Variants in MB21D2 observed in about 807,000 individuals in gnomAD.
MB21D2 encodes Mab-21 domain containing 2.
MB21D2 carries 9 observed loss-of-function variants against 33.3 expected under a neutral mutation model. The ratio of observed to expected loss-of-function variants is 0.27; its 90% CI spans 0.16 to 0.47. The LOEUF (loss-of-function observed/expected upper bound fraction) is 0.47. Ranked by LOEUF, MB21D2 falls within the 20% of genes least tolerant of loss-of-function variation. MB21D2 has a pLI of 0.99. For missense variants in MB21D2, 540 were observed against 624.6 expected (o/e 0.86, Z 1.44); for synonymous variants, 241 against 236.3 (o/e 1.02, Z -0.18).
chr3:192,886,881 C>T (rs1713743948), intron 1 of MB21D2, among the ~76,000 whole-genome samples: 1 of 152,024 alleles, frequency 6.6e-6, no homozygotes, highest in Non-Finnish European at 1.5e-5. Flanking sequence ...ATTCCATTCT[C>T]ATCCATAAGT....
rs1013458602 is a variant in MB21D2 at position 192,880,635 on chromosome 3, C to A, written c.211+36995G>T. On this transcript the variant is annotated intron_variant, in intron 1 of 1. Transcript: ENST00000392452. ...GAGCAGCTGTCGGAGGGGACGGACT[C>A]TCAAGGAGCTGACAGCTAGCAAGAG... Among the ~76,000 whole-genome samples the A allele has an allele frequency of 2.2e-4, 34 of 152,052 alleles. 1 individual carries two copies. Among genetic ancestry groups the A allele is most frequent in the African/African-American group, 7.7e-4 (32 of 41,316 alleles).
At chr3:192,833,726 T>C (rs1267871586) in intron 1 of MB21D2, among the ~76,000 whole-genome samples, 1 of 152,250 alleles carries the variant, frequency 6.6e-6, no homozygotes, top group Non-Finnish European at 1.5e-5. Flanking sequence ...CAAAAGGACA[T>C]GACTAAGTTG....
At chr3:192,881,308 C>T (rs111278527) in intron 1 of MB21D2, among the ~76,000 whole-genome samples, 4 of 152,186 alleles carry the variant, frequency 2.6e-5, no homozygotes, top group African/African-American at 9.6e-5. Flanking sequence ...TTGGACCCAA[C>T]AGTGAATCAC....
chr3:192,899,052 T>TC (rs755881600), intron 1 of MB21D2, among the ~76,000 whole-genome samples: 7 of 152,224 alleles, frequency 4.6e-5, no homozygotes, highest in Non-Finnish European at 8.8e-5. Context: ...ACTGAGGCCC[T>TC]CTAAACATGT....
chr3:192,856,426 G>A (rs1712917447), intron 1 of MB21D2, among the ~76,000 whole-genome samples: 2 of 152,176 alleles, frequency 1.3e-5, no homozygotes, highest in Non-Finnish European at 1.5e-5. Context: ...GAGAAATAAG[G>A]AAACGGGAAA....
intron 1 of MB21D2, among the ~76,000 whole-genome samples, chr3:192,862,357 T>C (rs1226917648): frequency 2.6e-5 from 4 of 152,240 alleles, no homozygotes; most frequent in Non-Finnish European, 4.4e-5. Flanking sequence ...AGTAGGATTG[T>C]ATTCCATGTT....
intron 1 of MB21D2, among the ~76,000 whole-genome samples, chr3:192,809,681 T>G (rs1325780649): frequency 6.6e-6 from 1 of 152,238 alleles, no homozygotes; most frequent in South Asian, 2.1e-4. Flanking sequence ...AAAAACTGAC[T>G]TTAGTCATCT....
At chr3:192,884,621 C>T (rs1257170341) in intron 1 of MB21D2, among the ~76,000 whole-genome samples, 1 of 152,006 alleles carries the variant, frequency 6.6e-6, no homozygotes, top group Non-Finnish European at 1.5e-5. Flanking sequence ...CCCGCCTTGG[C>T]CTCCCAAAGT....
At chr3:192,812,384 AC>A (rs1711808259) in intron 1 of MB21D2, among the ~76,000 whole-genome samples, 1 of 152,052 alleles carries the variant, frequency 6.6e-6, no homozygotes, top group Admixed American at 6.5e-5. Context: ...TTATGTGTTT[AC>A]CTGTCAGTGT....
chr3:192,855,224 G>A (rs189821380), intron 1 of MB21D2, among the ~76,000 whole-genome samples: 248 of 152,044 alleles, frequency 1.6e-3, no homozygotes, highest in Middle Eastern at 6.8e-3. Context: ...TCAGCCTCCC[G>A]AGCAGCTGGG....
At chr3:192,819,901 G>A (rs1290704257) in intron 1 of MB21D2, among the ~76,000 whole-genome samples, 1 of 152,174 alleles carries the variant, frequency 6.6e-6, no homozygotes, top group African/African-American at 2.4e-5. Context: ...TCCTGCTCTG[G>A]GGACAAGCTC....
chr3:192,883,326 G>C (rs1713647385), intron 1 of MB21D2, among the ~76,000 whole-genome samples: 1 of 151,970 alleles, frequency 6.6e-6, no homozygotes, highest in African/African-American at 2.4e-5. Flanking sequence ...TTTTATATTT[G>C]TATGAGTCAT....
intron 1 of MB21D2, among the ~76,000 whole-genome samples, chr3:192,864,727 G>C (rs573509787): frequency 6.6e-6 from 1 of 152,010 alleles, no homozygotes; most frequent in East Asian, 1.9e-4. Flanking sequence ...GGCTGGTCTC[G>C]GACTCCTAAG....
At chr3:192,916,998 G>A (rs916136390) in intron 1 of MB21D2, among the ~76,000 whole-genome samples, 2 of 152,188 alleles carry the variant, frequency 1.3e-5, no homozygotes, top group African/African-American at 4.8e-5. Context: ...GCTTCCGATC[G>A]CTTCATAAGA....
chr3:192,911,965 A>C (rs961350973), intron 1 of MB21D2, among the ~76,000 whole-genome samples: 4 of 152,192 alleles, frequency 2.6e-5, no homozygotes, highest in Non-Finnish European at 1.5e-5. Context: ...ACGCACCATA[A>C]ATTTCCATGG....
At chr3:192,892,168 G>A (rs913187836) in intron 1 of MB21D2, among the ~76,000 whole-genome samples, 8 of 152,112 alleles carry the variant, frequency 5.3e-5, no homozygotes, top group Non-Finnish European at 1.0e-4. Flanking sequence ...TTCAGGAATC[G>A]TGCTACATAA....
Position 192,824,492 on chromosome 3 carries a change from A to AAAATAAATAAAT in MB21D2, c.212-24854_212-24843dup, listed in dbSNP as rs61642372. On this transcript the variant is annotated intron_variant, in intron 1 of 1. Transcript: ENST00000392452. The stretch of plus-strand genomic sequence containing the variant: ...TAGCCATTACATGGTCTGATTTCTG[A>AAAATAAATAAAT]AAATAAATAAATAAATAAATAAATA... Among the ~76,000 whole-genome samples, 733 of 147,588 alleles carry AAAATAAATAAAT rather than the reference A, an allele frequency of 5.0e-3. 7 individuals carry two copies. Among genetic ancestry groups the AAAATAAATAAAT allele is most frequent in the Admixed American group, 0.026 (389 of 14,836 alleles).
intron 1 of MB21D2, among the ~76,000 whole-genome samples, chr3:192,835,153 T>TAA (rs1553857240): frequency 7.9e-5 from 6 of 75,814 alleles, no homozygotes; most frequent in Admixed American, 2.6e-4. Flanking sequence ...AAAGTGTCTT[T>TAA]AAAAAAAAAA....
rs561043642 is a variant in MB21D2 at position 192,835,286 on chromosome 3, CTACAAAAAAA to C, written c.212-35646_212-35637del. 4.0e-5 allele frequency among the ~76,000 whole-genome samples: 6 copies of C among 150,154 alleles called. No homozygotes were observed. In the South Asian group the frequency reaches 8.6e-4, roughly 21 times the overall value. ...TGGCTAGCACGGTGAAACACCGTCT[CTACAAAAAAA>C]TACAAAAAAATTAGCTGGGTGTGGT... On this transcript the variant is annotated intron_variant, in intron 1 of 1. Coordinates refer to ENST00000392452, the MANE Select transcript of MB21D2 (RefSeq NM_178496.4).
Sources: allele counts gnomAD v4.1 joint callset (sites outside exome capture counted in the v4.1 genomes callset), GRCh38; gene constraint gnomAD v4.1.1; transcripts MANE v1.5; gene names NCBI Gene and HGNC (gene_info 2026-07-23, HGNC 2026-07-21).